The following MIOS variants were observed in gnomAD, a reference collection of about 807,000 sequenced individuals.
MIOS encodes the protein GATOR2 complex protein MIOS.
MIOS carries 52 observed loss-of-function variants against 96.9 expected under a neutral mutation model. The ratio of observed to expected loss-of-function variants is 0.54; its 90% confidence interval spans 0.43 to 0.68. MIOS has a LOEUF of 0.68. MIOS is among the 30% of genes least tolerant of loss of function. The pLI, the probability that MIOS is intolerant of heterozygous loss-of-function variation, is 0.00. For missense variants in MIOS, 1,005 were observed against 1,052.8 expected, an observed-to-expected ratio of 0.95 and a Z score of 0.63; for synonymous variants, 397 against 359.5, an observed-to-expected ratio of 1.10 and a Z score of -1.18.
intron 6 of MIOS, among the ~76,000 whole-genome samples, chr7:7,584,344 A>G (rs11977239): frequency 0.14 from 21,011 of 152,126 alleles, 1,637 homozygotes; most frequent in East Asian, 0.29. Context: ...TAATTTTGCT[A>G]TAACTTGAAA....
chr7:7,577,723 G>C (rs545452049), intron 5 of MIOS, among the ~76,000 whole-genome samples: 2 of 152,272 alleles, frequency 1.3e-5, no homozygotes, highest in South Asian at 4.2e-4. Context: ...CAGGATGTTT[G>C]AGTTTCAATA....
chr7:7,583,555 T>C (rs189880319), intron 6 of MIOS, among the ~76,000 whole-genome samples, 183 bp downstream of exon 6: 3 of 152,304 alleles, frequency 2.0e-5, no homozygotes, highest in Non-Finnish European at 2.9e-5. Context: ...TCATCTCTTA[T>C]GCCTTGGTTT....
intron 6 of MIOS, among the ~76,000 whole-genome samples, chr7:7,584,807 T>A (rs188465981): frequency 2.8e-4 from 43 of 152,286 alleles, no homozygotes. Context: ...TGAACTTCGG[T>A]TAGAAGACTA....
At position 7,594,961 on chromosome 7, in the gene MIOS, A is replaced by C; in HGVS notation, c.2044-19A>C. 483 of 1,213,456 alleles carry C rather than the reference A, an allele frequency of 4.0e-4. No homozygotes were observed. The highest frequency in any genetic ancestry group is 5.1e-4 in the Non-Finnish European group (427 of 838,112). The allele number at this position is 1,213,456 out of a possible 1,614,324, so 75.2% of individuals were successfully genotyped here. On this transcript the variant is annotated intron_variant, in intron 9 of 12. Transcript: ENST00000340080. ...CAGGAGATTTTAAACAATTGAAATA[A>C]TTCATGTTTTCGTTTTAGGGTTCAC... is the stretch of plus-strand genomic sequence containing the variant.
At position 7,608,304 on chromosome 7, in the gene MIOS, C is replaced by T. The variant is rs1784584244; in HGVS notation, c.*1212C>T. Reference sequence around the variant, plus strand: ...GAAGCTGTGTTCATAAAGAGTAAATCTTATTTTATAGATTTTGGAGAAATA... The same window carrying T: ...GAAGCTGTGTTCATAAAGAGTAAATTTTATTTTATAGATTTTGGAGAAATA... On this transcript the variant is annotated 3_prime_UTR_variant, in exon 13 of 13. Coordinates refer to ENST00000340080, the MANE Select transcript of MIOS (RefSeq NM_019005.4). 6.6e-6 allele frequency: 1 copy of T among 151,988 alleles called. No individual in the cohort carries two copies. The highest frequency in any genetic ancestry group is 6.6e-5 in the Admixed American group (1 of 15,232). 9.4% of individuals were successfully genotyped at this position (151,988 alleles called of 1,614,324 possible). A position where few individuals can be genotyped will look rare whatever the true frequency, so the allele number is the denominator to read the frequency against.
At chr7:7,569,843 A>C (rs1583619431) in intron 3 of MIOS, among the ~76,000 whole-genome samples, 1 of 152,194 alleles carries the variant, frequency 6.6e-6, no homozygotes, top group Non-Finnish European at 1.5e-5. Flanking sequence ...ACCAGAGGAA[A>C]CATCATTTGC....
intron 8 of MIOS, 124 bp downstream of exon 8, chr7:7,588,687 TAAG>T: frequency 4.0e-6 from 2 of 494,090 alleles, no homozygotes; most frequent in Non-Finnish European, 6.5e-6. Context: ...AAAAGTATGG[TAAG>T]AATTTATTAG....
chr7:7,568,696 C>T lies in MIOS; in HGVS notation c.-41+573C>T, dbSNP rs547159880. 7.2e-5 allele frequency among the ~76,000 whole-genome samples: 11 copies of T among 152,322 alleles called. No individual in the cohort carries two copies. The South Asian group carries it at 2.1e-3, about 29-fold the overall frequency. ...TTATTTTGCACCACGTCCTGCATAT[C>T]GTGTAGCTGATCCTTTTCTTTGCAG... On this transcript the variant is annotated intron_variant, in intron 3 of 12. Transcript: ENST00000340080.
intron 12 of MIOS, 130 bp downstream of exon 12, chr7:7,606,201 T>C: frequency 8.3e-7 from 1 of 1,200,660 alleles, no homozygotes. Flanking sequence ...GTCACTCATG[T>C]TAACAAAGGT....
At chr7:7,600,191 A>G (rs960490335) in intron 11 of MIOS, among the ~76,000 whole-genome samples, 1 of 39,996 alleles carries the variant, frequency 2.5e-5, no homozygotes, top group Non-Finnish European at 4.6e-5. Flanking sequence ...AAAGAAAAAG[A>G]AGCAAATTAT....
rs1394541971 is a variant in MIOS at position 7,572,269 on chromosome 7, T to C, written c.-40-167T>C. On this transcript the variant is annotated intron_variant, in intron 3 of 12. Coordinates refer to ENST00000340080, the MANE Select transcript of MIOS (RefSeq NM_019005.4). The surrounding 1 kb of genome is among the most constrained non-coding windows in gnomAD (Gnocchi z 4.8). The stretch of plus-strand genomic sequence containing the variant: ...AGTGGTTGTTCTTTCTCCTTTTTTT[T>C]CAATAAATATTTTCTTGAATTCATA... Among the ~76,000 whole-genome samples the C allele has an allele frequency of 3.3e-5, 5 of 152,200 alleles. No homozygotes were observed. Among genetic ancestry groups the C allele is most frequent in the African/African-American group, 1.2e-4 (5 of 41,454 alleles).
intron 11 of MIOS, among the ~76,000 whole-genome samples, chr7:7,602,040 TC>T (rs1277446771): frequency 1.3e-5 from 2 of 152,158 alleles, no homozygotes; most frequent in Non-Finnish European, 2.9e-5. Context: ...TGCTAAAAAC[TC>T]TCAATAAATT....
At chr7:7,602,730 A>G (rs1374013917) in intron 11 of MIOS, among the ~76,000 whole-genome samples, 3 of 152,210 alleles carry the variant, frequency 2.0e-5, no homozygotes, top group Non-Finnish European at 4.4e-5. Context: ...ACTAAAGTTC[A>G]TATGGAACCA....
rs761533346 is a variant in MIOS at position 7,572,465 on chromosome 7, C to T, written c.-11C>T. 6.2e-7 allele frequency: 1 copy of T among 1,602,352 alleles called. No homozygotes were observed. Among genetic ancestry groups the T allele is most frequent in the Non-Finnish European group, 8.5e-7 (1 of 1,171,272 alleles). ...TGGACCTGAGTGGACCCTTTGATCA[C>T]ATCAGTAAACATGAGCGGTACCAAA... On this transcript the variant is annotated 5_prime_UTR_variant, in exon 4 of 13. Coordinates refer to ENST00000340080, the MANE Select transcript of MIOS (RefSeq NM_019005.4). The surrounding 1 kb of genome is among the most constrained non-coding windows in gnomAD (Gnocchi z 4.8).
chr7:7,569,356 G>C (rs1405093810), intron 3 of MIOS, among the ~76,000 whole-genome samples: 1 of 152,172 alleles, frequency 6.6e-6, no homozygotes, highest in African/African-American at 2.4e-5. Context: ...TTGCTGCTGT[G>C]TTCCCAGCTT....
chr7:7,603,757 G>A (rs1325411540), intron 11 of MIOS, among the ~76,000 whole-genome samples: 1 of 152,106 alleles, frequency 6.6e-6, no homozygotes. Flanking sequence ...AAAGACACAT[G>A]CACACGTATG....
At chr7:7,596,846 A>G (rs930744980) in intron 11 of MIOS, among the ~76,000 whole-genome samples, 5 of 152,354 alleles carry the variant, frequency 3.3e-5, no homozygotes, top group Admixed American at 3.3e-4. Flanking sequence ...ATCTTTTGAC[A>G]TCATTAAAGC....
intron 11 of MIOS, among the ~76,000 whole-genome samples, chr7:7,600,956 C>T (rs1199877580): frequency 2.6e-5 from 4 of 152,158 alleles, no homozygotes; most frequent in Non-Finnish European, 5.9e-5. Context: ...ACAACGTGCT[C>T]CTGAATGACT....
At chr7:7,580,105 T>G (rs1187473784) in intron 5 of MIOS, among the ~76,000 whole-genome samples, 1 of 152,210 alleles carries the variant, frequency 6.6e-6, no homozygotes, top group African/African-American at 2.4e-5. Context: ...ATAGGAGAGA[T>G]ATGAAAATAC....
Sources: gnomAD v4.1 joint callset for allele counts (sites outside exome capture counted in the v4.1 genomes callset) on GRCh38, gnomAD v4.1.1 for gene constraint, Gnocchi (gnomAD v3.1) non-coding constraint, MANE v1.5 for transcripts, NCBI Gene and HGNC (gene_info 2026-07-23, HGNC 2026-07-21) for gene names.